Variants in NAV2 observed in about 807,000 individuals in gnomAD.
NAV2 encodes helicase, APC down-regulated 1.
Under a neutral mutation model 223.2 loss-of-function variants are expected in NAV2, and 54 were observed. The ratio of observed to expected loss-of-function variants is 0.24; its 90% CI spans 0.19 to 0.30. The LOEUF (loss-of-function observed/expected upper bound fraction) is 0.30, where lower values mean the gene tolerates loss of function less well. Among genes scored for constraint, NAV2 ranks in the 10% least tolerant of loss-of-function variants. The pLI is 1.00. For synonymous variants in NAV2, 1,279 were observed against 1,239.3 expected (o/e 1.03, Z -0.67); for missense variants, 2,806 against 3,147.5 (o/e 0.89, Z 2.60).
chr11:19,730,224 T>G (rs2051630642), intron 1 of NAV2, among the ~76,000 whole-genome samples: 1 of 152,164 alleles, frequency 6.6e-6, no homozygotes, highest in Non-Finnish European at 1.5e-5. Flanking sequence ...GGGTTCAGTG[T>G]GGGCAGAGTG....
intron 10 of NAV2, among the ~76,000 whole-genome samples, chr11:19,968,916 C>T (rs547065184): frequency 1.1e-4 from 16 of 152,174 alleles, no homozygotes; most frequent in Non-Finnish European, 1.3e-4. Flanking sequence ...TGTTCCCAAC[C>T]GCCTTGGCTT....
intron 1 of NAV2, among the ~76,000 whole-genome samples, chr11:19,527,520 C>T (rs749549031): frequency 1.3e-5 from 2 of 152,126 alleles, no homozygotes; most frequent in Non-Finnish European, 2.9e-5. Context: ...GTATCAGGCA[C>T]CAGTCCAATG....
intron 1 of NAV2, among the ~76,000 whole-genome samples, chr11:19,801,773 C>T (rs1032952051): frequency 2.6e-5 from 4 of 152,274 alleles, no homozygotes; most frequent in African/African-American, 7.2e-5. Flanking sequence ...GGGCAAGTTA[C>T]GTCACCTGTG....
At chr11:19,483,887 C>T (rs1325334202) in intron 1 of NAV2, among the ~76,000 whole-genome samples, 1 of 152,040 alleles carries the variant, frequency 6.6e-6, no homozygotes, top group Admixed American at 6.6e-5. Flanking sequence ...AAATGACATG[C>T]CCCAGGAAGC....
chr11:19,409,128 C>T (rs542418697), intron 1 of NAV2, among the ~76,000 whole-genome samples: 1 of 152,260 alleles, frequency 6.6e-6, no homozygotes, highest in African/African-American at 2.4e-5. Context: ...ATCAGCTTCC[C>T]TTGGTGAGCA....
intron 6 of NAV2, among the ~76,000 whole-genome samples, chr11:19,919,651 A>G (rs968131089): frequency 2.0e-5 from 3 of 152,220 alleles, no homozygotes; most frequent in Non-Finnish European, 4.4e-5. Context: ...TATGAAAGAG[A>G]ATAACGCCAC....
chr11:19,900,864 G>A (rs4757857), intron 6 of NAV2, among the ~76,000 whole-genome samples: 61,191 of 152,014 alleles, frequency 0.4, 14,735 homozygotes, highest in Non-Finnish European at 0.53. Flanking sequence ...TCAAATTCTC[G>A]TCCAAAAGAG....
Position 20,049,876 on chromosome 11 carries a change from A to T in NAV2, c.4411A>T (p.Ser1471Cys). ...TGCTGCTAGCCCTAAGTTCTGCAGA[A>T]GTACTCTGCCCAGGAAACAGGACAG... ...SPAASPKFCRSTLPRKQDSDP... is the reference protein window; with the variant it reads ...SPAASPKFCRCTLPRKQDSDP... The change falls in exon 16 of 38, where the codon AGT becomes TGT. Residue 1471 changes from serine (S) to cysteine (C), a missense_variant. Transcript: ENST00000349880. 1 of 1,614,172 alleles carries T rather than the reference A, an allele frequency of 6.2e-7. No individual in the cohort carries two copies. Among genetic ancestry groups the T allele is most frequent in the Non-Finnish European group, 8.5e-7 (1 of 1,180,034 alleles).
At chr11:19,788,453 A>G (rs1240235206) in intron 1 of NAV2, among the ~76,000 whole-genome samples, 1 of 152,184 alleles carries the variant, frequency 6.6e-6, no homozygotes. Flanking sequence ...GAGCCTCCCC[A>G]GTAGATCTAA....
At chr11:20,075,016 C>T (rs1345340523) in intron 22 of NAV2, among the ~76,000 whole-genome samples, 1 of 152,056 alleles carries the variant, frequency 6.6e-6, no homozygotes, top group Non-Finnish European at 1.5e-5. Flanking sequence ...CAATCATTTA[C>T]ATTTAACTTT....
At position 19,640,138 on chromosome 11, in the gene NAV2, C is replaced by A. The variant is rs551054361; in HGVS notation, c.76-192346C>A. On this transcript the variant is annotated intron_variant, in intron 1 of 37. Transcript: ENST00000360655. ...CTATATGTTTCAGGGCAAAGTGGGGCTCGAGGCTTAAGTTACCCAAATAAC... is the reference window on the plus strand; with the variant it reads ...CTATATGTTTCAGGGCAAAGTGGGGATCGAGGCTTAAGTTACCCAAATAAC... Among the ~76,000 whole-genome samples, 6 of 152,284 alleles carry A rather than the reference C, an allele frequency of 3.9e-5. No homozygotes were observed. In the South Asian group the frequency reaches 1.2e-3, roughly 32 times the overall value.
intron 1 of NAV2, among the ~76,000 whole-genome samples, chr11:19,473,199 TCC>T (rs1290778293): frequency 6.6e-6 from 1 of 152,184 alleles, no homozygotes; most frequent in African/African-American, 2.4e-5. Context: ...TGGGTCTTTT[TCC>T]TGCCAAGTTA....
chr11:19,748,740 A>AAG (rs2053570522), intron 1 of NAV2, among the ~76,000 whole-genome samples: 1 of 108,738 alleles, frequency 9.2e-6, no homozygotes, highest in Non-Finnish European at 2.0e-5. Context: ...CTCTGTTAGG[A>AAG]ACGGGGCAGG....
At chr11:19,876,219 T>C (rs932044813) in intron 4 of NAV2, among the ~76,000 whole-genome samples, 1 of 152,016 alleles carries the variant, frequency 6.6e-6, no homozygotes, top group African/African-American at 2.4e-5. Flanking sequence ...GTAGAGACGG[T>C]GTTTCACCAT....
chr11:19,557,565 T>G (rs1212052553), intron 1 of NAV2, among the ~76,000 whole-genome samples: 1 of 152,244 alleles, frequency 6.6e-6, no homozygotes, highest in African/African-American at 2.4e-5. Flanking sequence ...GCCACAAGTC[T>G]GCTGATGGCT....
At chr11:20,035,810 T>C (rs1591768963) in intron 11 of NAV2, 149 bp from the exon 12 acceptor site, 1 of 796,406 alleles carries the variant, frequency 1.3e-6, no homozygotes, top group East Asian at 2.7e-5. Context: ...GATGTGGAGA[T>C]GAGTCACATC....
intron 1 of NAV2, among the ~76,000 whole-genome samples, chr11:19,543,887 G>C (rs932908875): frequency 6.6e-6 from 1 of 152,156 alleles, no homozygotes; most frequent in African/African-American, 2.4e-5. Flanking sequence ...CTCTCGGTTT[G>C]AGCTGAGGAT....
At chr11:19,929,332 T>C (rs982436337) in intron 6 of NAV2, among the ~76,000 whole-genome samples, 13 of 152,126 alleles carry the variant, frequency 8.5e-5, no homozygotes, top group Admixed American at 7.9e-4. Flanking sequence ...ATCACTGGTA[T>C]GATATCCTAG....
intron 7 of NAV2, among the ~76,000 whole-genome samples, chr11:19,937,215 C>T (rs1451864942): frequency 7.2e-5 from 11 of 152,132 alleles, no homozygotes; most frequent in African/African-American, 2.7e-4. Context: ...CTCTAAATCA[C>T]TTTATCTTTA....
Sources: gnomAD v4.1 joint callset for allele counts (sites outside exome capture counted in the v4.1 genomes callset) on GRCh38, gnomAD v4.1.1 for gene constraint, MANE v1.5 for transcripts, NCBI Gene and HGNC (gene_info 2026-07-23, HGNC 2026-07-21) for gene names.